MTRF1L: variants seen among roughly 807,000 people sequenced by gnomAD.
MTRF1L encodes the protein mitochondrial translation release factor 1 like.
MTRF1L carries 29 observed loss-of-function variants against 40.0 expected under a neutral mutation model. That is an observed-to-expected ratio of 0.73 (90% CI 0.54 to 0.99). The LOEUF is 0.99. Among genes scored for constraint, MTRF1L ranks in the 50% least tolerant of loss-of-function variants. MTRF1L has a pLI of 0.00. For missense variants in MTRF1L, 412 were observed against 464.5 expected, an observed-to-expected ratio of 0.89 and a Z score of 1.04; for synonymous variants, 150 against 175.8, an observed-to-expected ratio of 0.85 and a Z score of 1.16.
At chr6:153,000,867 ATTTTTTTTT>A (rs10536494) in intron 1 of MTRF1L, among the ~76,000 whole-genome samples, 1 of 100,480 alleles carries the variant, frequency 1.0e-5, no homozygotes, top group African/African-American at 4.2e-5. Flanking sequence ...GGTACTACGG[ATTTTTTTTT>A]TTTTTTTTTT....
intron 6 of MTRF1L, 42 bp from the exon 7 acceptor site, chr6:152,990,137 C>T (rs927923648): frequency 7.0e-6 from 11 of 1,580,298 alleles, no homozygotes; most frequent in Non-Finnish European, 9.4e-6. Context: ...AGATTCAGGG[C>T]AATTTAAACC....
At chr6:152,992,076 C>T (rs1367011326) in intron 5 of MTRF1L, among the ~76,000 whole-genome samples, 1 of 152,172 alleles carries the variant, frequency 6.6e-6, no homozygotes, top group Non-Finnish European at 1.5e-5. Flanking sequence ...CCTAAGACAT[C>T]ATCCAGTTTA....
chr6:152,989,803 AC>A lies in MTRF1L; in HGVS notation c.*91del. On this transcript the variant is annotated 3_prime_UTR_variant, in exon 7 of 7. Coordinates refer to ENST00000367233, the MANE Select transcript of MTRF1L (RefSeq NM_019041.7). ...TATTACCTCCAACTGTGTTAACTCA[AC>A]GTTTTTCAAGAGAGTAAGGGTACTT... The A allele has an allele frequency of 7.4e-7, 1 of 1,343,164 alleles. No homozygotes were observed. Among genetic ancestry groups the A allele is most frequent in the Admixed American group, 3.2e-5 (1 of 30,908 alleles). 83.2% of individuals were successfully genotyped at this position (1,343,164 alleles called of 1,614,324 possible).
Position 152,998,632 on chromosome 6 carries a change from A to G in MTRF1L, c.260-3T>C, listed in dbSNP as rs755920428. The G allele has an allele frequency of 1.9e-6, 3 of 1,583,710 alleles. No homozygotes were observed. In the East Asian group the frequency reaches 6.9e-5, roughly 36 times the overall value. The stretch of plus-strand genomic sequence containing the variant: ...TTTCCTTAAATCTTCATTCTCATCT[A>G]GGAAAAAAAGGGCAGAAGTTAAGGT... On this transcript the variant is annotated splice_polypyrimidine_tract_variant and splice_region_variant and intron_variant, in intron 1 of 6. Coordinates refer to ENST00000367233, the MANE Select transcript of MTRF1L (RefSeq NM_019041.7).
chr6:152,995,021 T>C, intron 3 of MTRF1L, 115 bp downstream of exon 3: 1 of 973,044 alleles, frequency 1.0e-6, no homozygotes, highest in African/African-American at 1.7e-5. Context: ...ATTAGGTAAA[T>C]GATGAGCATA....
intron 6 of MTRF1L, 195 bp from the exon 7 acceptor site, chr6:152,990,290 A>G: frequency 1.2e-6 from 1 of 812,952 alleles, no homozygotes; most frequent in Non-Finnish European, 1.8e-6. Context: ...AATCAGATTA[A>G]TATCTGAATC....
In MTRF1L at chr6:152,996,980, G is replaced by GT. The variant is rs1384992768; in HGVS notation, c.339+1569dup. Among the ~76,000 whole-genome samples the GT allele has an allele frequency of 3.9e-5, 6 of 152,236 alleles. No homozygotes were observed. In the East Asian group the frequency reaches 1.2e-3, roughly 29 times the overall value. The stretch of plus-strand genomic sequence containing the variant: ...GCTCTAGTTTGAGGTACTAAAAAGG[G>GT]TATCAGTTTGCAAAGAGCCCCATCA... On this transcript the variant is annotated intron_variant, in intron 2 of 6. Coordinates refer to ENST00000367233, the MANE Select transcript of MTRF1L (RefSeq NM_019041.7).
chr6:153,002,439 G>T lies in MTRF1L; in HGVS notation c.247C>A (p.His83Asn), dbSNP rs143685757. Reference protein sequence around the residue: ...EKERELRETEHLLHDENEDLR... With the variant: ...EKERELRETENLLHDENEDLR... ...GCCCGACCCTTACCGTGCAGCAAGT[G>T]CTCAGTCTCCCGCAGCTCCCGCTCC... The change falls in exon 1 of 7, where the codon CAC becomes AAC. Residue 83 changes from histidine (H) to asparagine (N), a missense_variant. Coordinates refer to ENST00000367233, the MANE Select transcript of MTRF1L (RefSeq NM_019041.7). 107 of 1,613,936 alleles carry T rather than the reference G, an allele frequency of 6.6e-5. No individual in the cohort carries two copies. In the African/African-American group the frequency reaches 1.3e-3, roughly 19 times the overall value.
At chr6:152,998,156 TA>T (rs566694773) in intron 2 of MTRF1L, 20,849 of 121,554 alleles carry the variant, frequency 0.17, 1,918 homozygotes, top group Non-Finnish European at 0.24. Context: ...CCAGTCTTCT[TA>T]AAAAAAAAAA....
At chr6:152,990,714 C>T (rs1778478337) in intron 6 of MTRF1L, among the ~76,000 whole-genome samples, 1 of 152,132 alleles carries the variant, frequency 6.6e-6, no homozygotes. Context: ...ATCCCAGCTA[C>T]TCAGGAGGCT....
intron 2 of MTRF1L, among the ~76,000 whole-genome samples, chr6:152,996,674 C>G (rs1778725627): frequency 6.6e-6 from 1 of 152,116 alleles, no homozygotes; most frequent in Non-Finnish European, 1.5e-5. Context: ...ACAGAATTAG[C>G]AAAGAGTGGC....
chr6:152,993,344 G>A (rs1365603978), intron 4 of MTRF1L, among the ~76,000 whole-genome samples: 1 of 150,470 alleles, frequency 6.6e-6, no homozygotes. Flanking sequence ...CTAGCAGCAG[G>A]AAAAAAAAAT....
At chr6:152,998,911 T>C (rs982537105) in intron 1 of MTRF1L, among the ~76,000 whole-genome samples, 1 of 152,150 alleles carries the variant, frequency 6.6e-6, no homozygotes, top group African/African-American at 2.4e-5. Context: ...GCTAAACTCT[T>C]CCATAATTTC....
At chr6:152,994,911 CTT>C in intron 3 of MTRF1L, 1 of 702,742 alleles carries the variant, frequency 1.4e-6, no homozygotes, top group Non-Finnish European at 2.3e-6. Context: ...TCTAAGACTA[CTT>C]TTAAAGACTG....
intron 3 of MTRF1L, 148 bp downstream of exon 3, chr6:152,994,988 T>C (rs1263964204): frequency 1.3e-6 from 1 of 791,628 alleles, no homozygotes; most frequent in African/African-American, 1.8e-5. Flanking sequence ...CATCTCAAAA[T>C]TACTGTATGT....
chr6:152,993,593 C>T lies in MTRF1L; in HGVS notation c.688-619G>A, dbSNP rs77483453. Among the ~76,000 whole-genome samples the T allele has an allele frequency of 2.1e-3, 321 of 152,302 alleles. 2 individuals carry two copies. The highest frequency in any genetic ancestry group is 0.01 in the Middle Eastern group (3 of 294). On this transcript the variant is annotated intron_variant, in intron 4 of 6. Coordinates refer to ENST00000367233, the MANE Select transcript of MTRF1L (RefSeq NM_019041.7). ...TGCAATGCTGACAGTAAGAATCCTA[C>T]CATTCTCTGGGCCTTCTACCTCTAT...
intron 1 of MTRF1L, among the ~76,000 whole-genome samples, chr6:152,999,155 A>G (rs1462910118): frequency 5.3e-5 from 8 of 152,224 alleles, no homozygotes. Context: ...CAGAATGTTT[A>G]TACGAAGTAC....
At position 152,992,888 on chromosome 6, in the gene MTRF1L, G is replaced by C. The variant is rs141301101; in HGVS notation, c.774C>G (p.Asp258Glu). ...GAAGATGAACTATCCGGACAGCACTGTCCGTGGTATTTACATGCTGCCCCC... is the reference window on the plus strand; with the variant it reads ...GAAGATGAACTATCCGGACAGCACTCTCCGTGGTATTTACATGCTGCCCCC... ...GAGGQHVNTT[D>E]SAVRIVHLPT... The change falls in exon 5 of 7, where the codon GAC becomes GAG. Residue 258 changes from aspartate (D) to glutamate (E), a missense_variant. Physicochemically the swap from Asp to Glu is conservative, Grantham distance 45 (BLOSUM62 2). Transcript: ENST00000367233. The C allele has an allele frequency of 6.2e-7, 1 of 1,612,070 alleles. No individual in the cohort carries two copies. Among genetic ancestry groups the C allele is most frequent in the Non-Finnish European group, 8.5e-7 (1 of 1,179,980 alleles).
chr6:152,992,443 C>T (rs938080805), intron 5 of MTRF1L, among the ~76,000 whole-genome samples: 7 of 152,136 alleles, frequency 4.6e-5, no homozygotes, highest in African/African-American at 1.7e-4. Flanking sequence ...AGTAGGAGGT[C>T]CAATGCTTTC....
Sources: gnomAD v4.1 joint callset for allele counts (sites outside exome capture counted in the v4.1 genomes callset) on GRCh38, gnomAD v4.1.1 for gene constraint, MANE v1.5 for transcripts, NCBI Gene and HGNC (gene_info 2026-07-23, HGNC 2026-07-21) for gene names.